Variants in FER observed in about 807,000 individuals in gnomAD.
FER encodes the protein FER tyrosine kinase, also known as tyrosine-protein kinase Fer.
In FER, 63 loss-of-function variants were observed where a neutral mutation model predicts 111.0. The observed-to-expected ratio is 0.57, with a 90% confidence interval of 0.46 to 0.70. The LOEUF (loss-of-function observed/expected upper bound fraction) is 0.70. FER is among the 30% of genes least tolerant of loss of function. The probability of loss-of-function intolerance (pLI) is 0.00; values close to 1 mark genes in which losing one functional copy is unlikely to be tolerated. For missense variants in FER, 914 were observed against 954.0 expected (o/e 0.96, Z 0.55); for synonymous variants, 327 against 313.9 (o/e 1.04, Z -0.44).
intron 2 of FER, among the ~76,000 whole-genome samples, chr5:108,794,433 G>A (rs1284353565): frequency 6.6e-6 from 1 of 151,732 alleles, no homozygotes; most frequent in Non-Finnish European, 1.5e-5. Context: ...TGGCCAGGCT[G>A]GTCTCAAATT....
At chr5:108,774,983 A>G (rs1561399170) in intron 2 of FER, among the ~76,000 whole-genome samples, 1 of 152,236 alleles carries the variant, frequency 6.6e-6, no homozygotes, top group East Asian at 1.9e-4. Context: ...TATGTCCTGA[A>G]TGATTTTGTC....
chr5:109,144,572 G>A (rs1036009779), intron 17 of FER, among the ~76,000 whole-genome samples: 15 of 152,142 alleles, frequency 9.9e-5, no homozygotes, highest in Non-Finnish European at 1.9e-4. Flanking sequence ...CTTTAAAAGT[G>A]AGAATATCTG....
chr5:108,748,782 G>A (rs1470890815), intron 1 of FER: 1 of 152,640 alleles, frequency 6.6e-6, no homozygotes, highest in Non-Finnish European at 1.5e-5. Context: ...CCTCCTGGGA[G>A]GTAGTGGAGG....
intron 17 of FER, among the ~76,000 whole-genome samples, chr5:109,114,291 A>T (rs1749977339): frequency 6.6e-6 from 1 of 152,182 alleles, no homozygotes; most frequent in Admixed American, 6.6e-5. Context: ...ATCAATTATT[A>T]ATTTTTCATT....
intron 5 of FER, among the ~76,000 whole-genome samples, chr5:108,863,244 C>A (rs572506763): frequency 6.6e-6 from 1 of 152,040 alleles, no homozygotes; most frequent in East Asian, 1.9e-4. Flanking sequence ...CTCAGCCTCC[C>A]GATTGGCTGG....
intron 10 of FER, among the ~76,000 whole-genome samples, chr5:108,926,495 C>T (rs148003375): frequency 5.8e-4 from 89 of 152,226 alleles, no homozygotes; most frequent in Middle Eastern, 6.8e-3. Context: ...GAAGGCATTA[C>T]ATGTAAGGAT....
At chr5:108,988,996 G>T (rs999886530) in intron 13 of FER, among the ~76,000 whole-genome samples, 4 of 152,008 alleles carry the variant, frequency 2.6e-5, no homozygotes, top group Admixed American at 1.3e-4. Context: ...GTTATTGTTC[G>T]TTCAAAGAAT....
chr5:109,033,724 T>C (rs2149870539), intron 13 of FER, among the ~76,000 whole-genome samples: 1 of 152,288 alleles, frequency 6.6e-6, no homozygotes, highest in East Asian at 1.9e-4. Context: ...TTTGCCTCTC[T>C]ATCAACACTT....
intron 5 of FER, among the ~76,000 whole-genome samples, chr5:108,854,461 T>G (rs960652226): frequency 6.6e-6 from 1 of 152,238 alleles, no homozygotes; most frequent in Non-Finnish European, 1.5e-5. Context: ...AGCCTAACTT[T>G]GTTCAACCTC....
chr5:109,004,522 T>C (rs1241270439), intron 13 of FER, among the ~76,000 whole-genome samples: 1 of 152,214 alleles, frequency 6.6e-6, no homozygotes, highest in Non-Finnish European at 1.5e-5. Flanking sequence ...GAAAGGATAT[T>C]ATGCAGCCTA....
intron 17 of FER, 67 bp downstream of exon 17, chr5:109,100,586 G>T (rs1210184308): frequency 1.4e-6 from 2 of 1,456,760 alleles, no homozygotes; most frequent in South Asian, 1.3e-5. Context: ...TGATGTATTT[G>T]CTACAATAGA....
intron 17 of FER, among the ~76,000 whole-genome samples, chr5:109,109,599 T>TA (rs1180430829): frequency 6.6e-6 from 1 of 152,098 alleles, no homozygotes; most frequent in Admixed American, 6.6e-5. Context: ...CAAGGCTACT[T>TA]AAGTAGCAAA....
chr5:108,855,527 A>T (rs1029949600), intron 5 of FER, among the ~76,000 whole-genome samples: 4 of 149,962 alleles, frequency 2.7e-5, no homozygotes, highest in Non-Finnish European at 5.9e-5. Context: ...AGGCTGAGGC[A>T]GGAGAATGGC....
At chr5:109,052,289 G>C (rs998110830) in intron 16 of FER, 5 of 1,608,470 alleles carry the variant, frequency 3.1e-6, no homozygotes, top group South Asian at 1.1e-5. Context: ...CCAGGTTGCT[G>C]AGTGTTACAA....
intron 11 of FER, among the ~76,000 whole-genome samples, chr5:108,947,924 A>G (rs533021523): frequency 9.2e-5 from 14 of 151,910 alleles, no homozygotes; most frequent in African/African-American, 3.1e-4. Flanking sequence ...GTTTCAATCT[A>G]TTACCCAGGC....
At chr5:109,025,230 T>C (rs1373037519) in intron 13 of FER, among the ~76,000 whole-genome samples, 8 of 152,088 alleles carry the variant, frequency 5.3e-5, no homozygotes, top group African/African-American at 1.9e-4. Flanking sequence ...ATTTTCATGA[T>C]ATTGATTCTT....
At chr5:109,067,888 T>A (rs1775304004) in intron 16 of FER, among the ~76,000 whole-genome samples, 1 of 152,184 alleles carries the variant, frequency 6.6e-6, no homozygotes, top group African/African-American at 2.4e-5. Flanking sequence ...GAGTCTGTGC[T>A]TCCAGAAGCC....
intron 16 of FER, 138 bp downstream of exon 16, chr5:109,047,336 G>C (rs555549833): frequency 1.8e-6 from 1 of 540,838 alleles, no homozygotes. Context: ...AAAAGAGTCT[G>C]TACCTATAGT....
intron 1 of FER, among the ~76,000 whole-genome samples, chr5:108,767,238 A>ACT (rs1209235034): frequency 6.6e-6 from 1 of 152,140 alleles, no homozygotes; most frequent in Non-Finnish European, 1.5e-5. Flanking sequence ...CAGGAGGTGG[A>ACT]GGCTGAGTGA....
Sources: gnomAD v4.1 joint callset for allele counts (sites outside exome capture counted in the v4.1 genomes callset) on GRCh38, gnomAD v4.1.1 for gene constraint, MANE v1.5 for transcripts, NCBI Gene and HGNC (gene_info 2026-07-23, HGNC 2026-07-21) for gene names.